PPFIBP1: variants seen among roughly 807,000 people sequenced by gnomAD.
PPFIBP1 encodes the protein liprin-beta-1.
PPFIBP1 carries 112 observed loss-of-function variants against 137.8 expected under a neutral mutation model. The ratio of observed to expected loss-of-function variants is 0.81; its 90% CI spans 0.70 to 0.95. PPFIBP1 has a LOEUF of 0.95. Among genes scored for constraint, PPFIBP1 ranks in the 40% least tolerant of loss-of-function variants. PPFIBP1 has a pLI of 0.00. For synonymous variants in PPFIBP1, 378 were observed against 417.3 expected (o/e 0.91, Z 1.15); for missense variants, 1,083 against 1,196.6 (o/e 0.91, Z 1.40).
intron 8 of PPFIBP1, among the ~76,000 whole-genome samples, chr12:27,655,431 G>T (rs1051926237): frequency 6.6e-6 from 1 of 152,088 alleles, no homozygotes; most frequent in Non-Finnish European, 1.5e-5. Context: ...AATAATTGGT[G>T]AAAAATAATA....
intron 1 of PPFIBP1, among the ~76,000 whole-genome samples, chr12:27,544,816 G>C (rs1234644989): frequency 6.6e-6 from 1 of 152,240 alleles, no homozygotes; most frequent in Non-Finnish European, 1.5e-5. Context: ...CATTGTGGAA[G>C]ACAGTGTGGC....
chr12:27,566,513 ATGGGGGACAGGGG>A, intron 1 of PPFIBP1, among the ~76,000 whole-genome samples: 1 of 152,340 alleles, frequency 6.6e-6, no homozygotes, highest in East Asian at 1.9e-4. Flanking sequence ...TAGAATAGTG[ATGGGGGACAGGGG>A]TGAAGAAAAG....
intron 1 of PPFIBP1, among the ~76,000 whole-genome samples, chr12:27,565,365 T>C (rs1295844822): frequency 6.6e-6 from 1 of 152,210 alleles, no homozygotes; most frequent in East Asian, 1.9e-4. Context: ...TCTGGTTTTC[T>C]AGTGAAATCT....
chr12:27,646,408 C>CTT (rs59630572), intron 5 of PPFIBP1: 1,031 of 349,696 alleles, frequency 2.9e-3, no homozygotes, highest in Non-Finnish European at 3.9e-3. Context: ...CTGATCTGTT[C>CTT]TTTTTTTTTT....
At chr12:27,623,127 A>G (rs1419178076) in intron 2 of PPFIBP1, among the ~76,000 whole-genome samples, 1 of 152,144 alleles carries the variant, frequency 6.6e-6, no homozygotes, top group Non-Finnish European at 1.5e-5. Context: ...GTGAAGGAAA[A>G]TAGAGATAGA....
chr12:27,554,682 C>T (rs1464757889), intron 1 of PPFIBP1, among the ~76,000 whole-genome samples: 2 of 152,210 alleles, frequency 1.3e-5, no homozygotes, highest in African/African-American at 4.8e-5. Flanking sequence ...TTCATCTAAC[C>T]GTGTTTAGCA....
At chr12:27,550,239 G>T (rs563756091) in intron 1 of PPFIBP1, among the ~76,000 whole-genome samples, 7 of 152,320 alleles carry the variant, frequency 4.6e-5, no homozygotes, top group African/African-American at 1.4e-4. Context: ...TCCGGGTGGG[G>T]TGTTTGAAGC....
At chr12:27,557,438 T>C (rs576317057) in intron 1 of PPFIBP1, among the ~76,000 whole-genome samples, 84 of 152,198 alleles carry the variant, frequency 5.5e-4, no homozygotes, top group African/African-American at 1.4e-3. Flanking sequence ...GGTTTCACCA[T>C]GTTAGCCAGG....
intron 17 of PPFIBP1, among the ~76,000 whole-genome samples, chr12:27,675,039 G>A (rs943528983): frequency 2.7e-5 from 4 of 145,840 alleles, no homozygotes; most frequent in South Asian, 2.2e-4. Flanking sequence ...ATGAGATCTT[G>A]TCATGTTGCC....
In PPFIBP1 at chr12:27,687,500, C is replaced by T; in HGVS notation, c.2363C>T (p.Ser788Phe). 1 of 1,613,680 alleles carries T rather than the reference C, an allele frequency of 6.2e-7. No homozygotes were observed. The highest frequency in any genetic ancestry group is 8.5e-7 in the Non-Finnish European group (1 of 1,179,724). ...CCAAACTGTCTACGGAGGCGGCCAT[C>T]TGATGAGGTAGTGTTTTAAGATTGA... ...FEPNCLRRRP[S>F]DENTIAPSEV... The change falls in exon 25 of 30, where the codon TCT becomes TTT. Residue 788 changes from serine to phenylalanine, a missense_variant. Ser to Phe is a radical substitution (Grantham distance 155). Coordinates refer to ENST00000228425, the MANE Select transcript of PPFIBP1 (RefSeq NM_003622.4).
chr12:27,564,797 C>T (rs1421244023), intron 1 of PPFIBP1, among the ~76,000 whole-genome samples: 1 of 152,136 alleles, frequency 6.6e-6, no homozygotes, highest in Non-Finnish European at 1.5e-5. Context: ...TCATGGCGTC[C>T]TCTCCTATTT....
intron 2 of PPFIBP1, among the ~76,000 whole-genome samples, chr12:27,603,156 C>T (rs1198816145): frequency 3.3e-5 from 5 of 152,136 alleles, no homozygotes; most frequent in South Asian, 2.1e-4. Context: ...TTTTTCAAAT[C>T]GTTATTAATT....
At chr12:27,646,935 T>A (rs1213294254) in intron 5 of PPFIBP1, among the ~76,000 whole-genome samples, 4 of 152,194 alleles carry the variant, frequency 2.6e-5, no homozygotes, top group Non-Finnish European at 5.9e-5. Context: ...TTGCCCCCCC[T>A]GACTTTGAAC....
At chr12:27,661,399 G>C (rs1276259600) in intron 11 of PPFIBP1, among the ~76,000 whole-genome samples, 1 of 152,204 alleles carries the variant, frequency 6.6e-6, no homozygotes, top group Non-Finnish European at 1.5e-5. Context: ...GCTCTCCCGA[G>C]AGATTAAATA....
At chr12:27,644,244 GTTTTTTTTTTTTTT>G (rs3842650) in intron 4 of PPFIBP1, among the ~76,000 whole-genome samples, 1 of 117,740 alleles carries the variant, frequency 8.5e-6, no homozygotes, top group Non-Finnish European at 1.7e-5. Flanking sequence ...GCTTGGCTAA[GTTTTTTTTTTTTTT>G]TTTTTTTTTT....
chr12:27,540,317 A>G (rs969389329), intron 1 of PPFIBP1, among the ~76,000 whole-genome samples: 2 of 151,958 alleles, frequency 1.3e-5, no homozygotes, highest in African/African-American at 4.8e-5. Flanking sequence ...GAAACAAGAT[A>G]ATGAATGCAA....
At chr12:27,686,729 G>T (rs1253538360) in intron 24 of PPFIBP1, among the ~76,000 whole-genome samples, 3 of 152,140 alleles carry the variant, frequency 2.0e-5, no homozygotes, top group Non-Finnish European at 4.4e-5. Context: ...AAATTATGAT[G>T]TGCCTTAGTT....
chr12:27,535,547 G>T (rs915973757), intron 1 of PPFIBP1, among the ~76,000 whole-genome samples: 8 of 151,420 alleles, frequency 5.3e-5, no homozygotes, highest in African/African-American at 1.9e-4. Context: ...CAAGTAGCTG[G>T]AACTACAGAT....
Position 27,673,801 on chromosome 12 carries a change from A to T in PPFIBP1, c.1354A>T (p.Asn452Tyr). The change falls in exon 16 of 30, where the codon AAT becomes TAT. Residue 452 changes from asparagine to tyrosine, a missense_variant. Coordinates refer to ENST00000228425, the MANE Select transcript of PPFIBP1 (RefSeq NM_003622.4). ...TCTGCAGAAGTCCAGCAGCCTGGGC[A>T]ATCTGAAGAAAGAGACATCTGATGG... ...SSLQKSSSLG[N>Y]LKKETSDGEK... The T allele has an allele frequency of 6.2e-7, 1 of 1,613,768 alleles. No individual in the cohort carries two copies. Among genetic ancestry groups the T allele is most frequent in the Non-Finnish European group, 8.5e-7 (1 of 1,179,740 alleles).
Sources: allele counts gnomAD v4.1 joint callset (sites outside exome capture counted in the v4.1 genomes callset), GRCh38; gene constraint gnomAD v4.1.1; transcripts MANE v1.5; gene names NCBI Gene and HGNC (gene_info 2026-07-23, HGNC 2026-07-21).